The following CLCN6 variants were observed in gnomAD, a reference collection of about 807,000 sequenced individuals.
The protein encoded by CLCN6 is Cl-/H+ antiporter 6.
In CLCN6, 70 loss-of-function variants were observed where a neutral mutation model predicts 109.8. The ratio of observed to expected loss-of-function variants is 0.64; its 90% CI spans 0.53 to 0.78. The LOEUF (loss-of-function observed/expected upper bound fraction) is 0.78. CLCN6 is among the 30% of genes least tolerant of loss of function. CLCN6 has a pLI of 0.00. For missense variants in CLCN6, 984 were observed against 1,142.3 expected, an observed-to-expected ratio of 0.86 and a Z score of 2.00; for synonymous variants, 444 against 447.8, an observed-to-expected ratio of 0.99 and a Z score of 0.11.
chr1:11,813,129 C>T (rs576859269), intron 2 of CLCN6, among the ~76,000 whole-genome samples: 38 of 152,320 alleles, frequency 2.5e-4, no homozygotes, highest in South Asian at 1.9e-3. Flanking sequence ...ATAGAAGCGT[C>T]TGTACCTCGC....
At position 11,837,070 on chromosome 1, in the gene CLCN6, C is replaced by T. The variant is rs113714271; in HGVS notation, c.2052C>T (p.Ser684=). Residue 684 remains serine, a synonymous_variant, in exon 19 of 23, where the codon AGC becomes AGT. Coordinates refer to ENST00000346436, the MANE Select transcript of CLCN6 (RefSeq NM_001286.5). ...RSQSMKSYPS[S]ELRNMCDEHI... ...AGTCCATGAAGTCCTACCCATCCAG[C>T]GAGCTACGGAACATGTGTGATGAGC... 3.8e-5 allele frequency: 62 copies of T among 1,613,396 alleles called. 1 individual carries two copies. Among genetic ancestry groups the T allele is most frequent in the African/African-American group, 1.9e-4 (14 of 75,062 alleles).
rs2100625847 is a variant in CLCN6 at position 11,821,098 on chromosome 1, AAC to A, written c.346+1546_346+1547del. On this transcript the variant is annotated intron_variant, in intron 5 of 22. Coordinates refer to ENST00000346436, the MANE Select transcript of CLCN6 (RefSeq NM_001286.5). ...TCAAAAAACAACAACAAAAAAAAAA[AAC>A]AAACAAAATCAATAAATTTGACCAC... Among the ~76,000 whole-genome samples, 5 of 151,462 alleles carry A rather than the reference AAC, an allele frequency of 3.3e-5. 1 individual carries two copies. In the South Asian group the frequency reaches 6.2e-4, roughly 19 times the overall value.
chr1:11,824,033 A>C (rs536644438), intron 7 of CLCN6, among the ~76,000 whole-genome samples, 200 bp downstream of exon 7: 2 of 152,350 alleles, frequency 1.3e-5, no homozygotes, highest in Admixed American at 6.5e-5. Context: ...CACACTCTTC[A>C]GTTTTGGGAT....
At chr1:11,806,397 A>G in intron 1 of CLCN6, 48 bp downstream of exon 1, 1 of 1,439,184 alleles carries the variant, frequency 6.9e-7, no homozygotes, top group Non-Finnish European at 9.1e-7. Context: ...TTGCTAAGGG[A>G]CTGAGAGAGG....
intron 6 of CLCN6, among the ~76,000 whole-genome samples, 161 bp downstream of exon 6, chr1:11,822,962 A>T (rs533892353): frequency 6.6e-6 from 1 of 152,270 alleles, no homozygotes; most frequent in African/African-American, 2.4e-5. Context: ...GGTGAGATTA[A>T]AGAAGAAAGG....
chr1:11,833,202 A>G lies in CLCN6; in HGVS notation c.1249-313A>G, dbSNP rs529361831. ...CCTAGGGCTCTCAGGCCAGGCTTCT[A>G]GCAGCATCACTTAGAAAGTTAGCAC... is the stretch of plus-strand genomic sequence containing the variant. On this transcript the variant is annotated intron_variant, in intron 13 of 22. Coordinates refer to ENST00000346436, the MANE Select transcript of CLCN6 (RefSeq NM_001286.5). 2.8e-4 allele frequency among the ~76,000 whole-genome samples: 42 copies of G among 152,272 alleles called. 1 individual carries two copies. The South Asian group carries it at 6.6e-3, about 24-fold the overall frequency.
intron 10 of CLCN6, among the ~76,000 whole-genome samples, chr1:11,827,709 T>C (rs1488709528): frequency 6.6e-6 from 1 of 152,186 alleles, no homozygotes; most frequent in Non-Finnish European, 1.5e-5. Context: ...CCTGGCCTTG[T>C]TATCCTTTCT....
intron 22 of CLCN6, chr1:11,838,972 T>C (rs1272196313): frequency 2.9e-6 from 2 of 700,142 alleles, no homozygotes; most frequent in South Asian, 3.0e-5. Context: ...TCCACCTGCG[T>C]AGGGATTTGC....
chr1:11,828,593 C>T lies in CLCN6; in HGVS notation c.1090C>T (p.Arg364Ter). The T allele has an allele frequency of 3.1e-6, 5 of 1,612,942 alleles. No individual in the cohort carries two copies. Among genetic ancestry groups the T allele is most frequent in the Non-Finnish European group, 4.2e-6 (5 of 1,179,454 alleles). ...CAAGAGGCTTGCAAAGTACCGTATG[C>T]GAAACGTGCACCCGAAACCTAAGCT... ...LNKRLAKYRM[R>*]NVHPKPKLVR... is the part of the protein sequence containing the mutation. The change falls in exon 12 of 23, where the codon CGA becomes TGA. Residue 364 changes from arginine (R) to a stop codon, truncating the protein, a stop_gained. Coordinates refer to ENST00000346436, the MANE Select transcript of CLCN6 (RefSeq NM_001286.5). LOFTEE classifies it high-confidence loss of function.
intron 17 of CLCN6, 60 bp from the exon 18 acceptor site, chr1:11,835,907 T>C: frequency 6.6e-7 from 1 of 1,516,918 alleles, no homozygotes; most frequent in Non-Finnish European, 8.9e-7. Flanking sequence ...CCAGCACAGC[T>C]TGCTCCCAGG....
At chr1:11,833,739 C>T (rs183721026) in intron 14 of CLCN6, 101 bp downstream of exon 14, 224 of 1,570,276 alleles carry the variant, frequency 1.4e-4, no homozygotes, top group African/African-American at 2.9e-4. Flanking sequence ...TTCTTTGTAA[C>T]GCCCACCCAG....
chr1:11,811,309 C>T (rs1364497775), intron 2 of CLCN6, among the ~76,000 whole-genome samples: 2 of 152,104 alleles, frequency 1.3e-5, no homozygotes, highest in African/African-American at 4.8e-5. Context: ...TCAGTTCACC[C>T]ATGTAGAGTG....
chr1:11,826,241 T>C, intron 9 of CLCN6, 27 bp downstream of exon 9: 1 of 1,588,836 alleles, frequency 6.3e-7, no homozygotes. Context: ...AATTGGTTTC[T>C]TTTTTGGAAA....
intron 6 of CLCN6, 139 bp downstream of exon 6, chr1:11,822,940 G>A (rs1239936340): frequency 3.2e-6 from 2 of 630,058 alleles, no homozygotes; most frequent in Non-Finnish European, 5.7e-6. Flanking sequence ...TAAAGGTAAA[G>A]GTTTCACCTC....
At chr1:11,814,738 T>C (rs1644646850) in intron 2 of CLCN6, among the ~76,000 whole-genome samples, 1 of 151,904 alleles carries the variant, frequency 6.6e-6, no homozygotes, top group Non-Finnish European at 1.5e-5. Flanking sequence ...CTTCCTAACA[T>C]AAAGTGGAAG....
In CLCN6 at chr1:11,837,430, C is replaced by T. The variant is rs375455165; in HGVS notation, c.2226C>T (p.His742=). 11 of 1,614,094 alleles carry T rather than the reference C, an allele frequency of 6.8e-6. No homozygotes were observed. Among genetic ancestry groups the T allele is most frequent in the Admixed American group, 5.0e-5 (3 of 60,006 alleles). The change falls in exon 20 of 23, where the codon CAC becomes CAT. Residue 742 remains histidine (H), a synonymous_variant. Coordinates refer to ENST00000346436, the MANE Select transcript of CLCN6 (RefSeq NM_001286.5). ...AGCGGTTCCGCCCTCTGACCTTCCA[C>T]GGCCTGATCCTTCGGTCGCAGCTTG... ...MEERFRPLTF[H]GLILRSQLVT... is the part of the protein sequence containing the mutation.
In CLCN6 at chr1:11,824,517, C is replaced by T. The variant is rs569400909; in HGVS notation, c.612C>T (p.Ile204=). 1.9e-6 allele frequency: 3 copies of T among 1,613,758 alleles called. No individual in the cohort carries two copies. Among genetic ancestry groups the T allele is most frequent in the African/African-American group, 1.3e-5 (1 of 75,010 alleles). The change falls in exon 8 of 23, where the codon ATC becomes ATT. Residue 204 remains isoleucine, a synonymous_variant. Coordinates refer to ENST00000346436, the MANE Select transcript of CLCN6 (RefSeq NM_001286.5). ...TCGTGGAGAAGGAAGGCCCCATGAT[C>T]CACAGTGGTTCGGTGGTGGGAGCTG... ...GLFVEKEGPM[I]HSGSVVGAGL... is the part of the protein sequence containing the mutation.
chr1:11,826,067 C>CTTTT, intron 8 of CLCN6, 89 bp from the exon 9 acceptor site: 1 of 827,222 alleles, frequency 1.2e-6, no homozygotes, highest in Non-Finnish European at 1.9e-6. Flanking sequence ...GACCTGTGTT[C>CTTTT]TTTTTTTTTT....
Position 11,833,872 on chromosome 1 carries a change from T to C in CLCN6, c.1373-5T>C, listed in dbSNP as rs772081258. The C allele has an allele frequency of 9.3e-6, 15 of 1,608,292 alleles. No individual in the cohort carries two copies. The highest frequency in any genetic ancestry group is 1.2e-5 in the Non-Finnish European group (14 of 1,177,494). The stretch of plus-strand genomic sequence containing the variant: ...GTGGGACTCAGGTTGGCTCTTCCCT[T>C]GCAGGTACTTTCAGCCCCGTCACTC... On this transcript the variant is annotated splice_polypyrimidine_tract_variant and splice_region_variant and intron_variant, in intron 14 of 22. Coordinates refer to ENST00000346436, the MANE Select transcript of CLCN6 (RefSeq NM_001286.5).
Sources: allele counts gnomAD v4.1 joint callset (sites outside exome capture counted in the v4.1 genomes callset), GRCh38; gene constraint gnomAD v4.1.1; transcripts MANE v1.5; gene names NCBI Gene and HGNC (gene_info 2026-07-23, HGNC 2026-07-21).